The following EXOC5 variants were observed in gnomAD, a reference collection of about 807,000 sequenced individuals.
EXOC5 encodes exocyst complex component 5, also known as SEC10-like 1.
In EXOC5, 17 loss-of-function variants were observed where a neutral mutation model predicts 90.8. The ratio of observed to expected loss-of-function variants is 0.19; its 90% CI spans 0.13 to 0.28. The LOEUF (loss-of-function observed/expected upper bound fraction) is 0.28, where lower values mean the gene tolerates loss of function less well. Ranked by LOEUF, EXOC5 falls within the 10% of genes least tolerant of loss-of-function variation. EXOC5 has a pLI of 1.00. For synonymous variants in EXOC5, 260 were observed against 270.0 expected, an observed-to-expected ratio of 0.96 and a Z score of 0.36; for missense variants, 569 against 830.6, an observed-to-expected ratio of 0.69 and a Z score of 3.87.
chr14:57,212,222 T>C (rs1487786307), intron 15 of EXOC5, among the ~76,000 whole-genome samples: 2 of 152,198 alleles, frequency 1.3e-5, no homozygotes, highest in African/African-American at 2.4e-5. Flanking sequence ...GTCAGAAGAC[T>C]GAATAAAGTC....
chr14:57,234,563 A>G (rs901976594), intron 7 of EXOC5, among the ~76,000 whole-genome samples: 12 of 147,978 alleles, frequency 8.1e-5, no homozygotes, highest in African/African-American at 3.0e-4. Context: ...GTGTATATAT[A>G]TATTTCTTTT....
rs1884794338 is a variant in EXOC5, at chr14:57,268,871, C to T, written c.-223G>A. 2.5e-6 allele frequency: 3 copies of T among 1,197,288 alleles called. No individual in the cohort carries two copies. The highest frequency in any genetic ancestry group is 3.3e-6 in the Non-Finnish European group (3 of 899,322). 74.2% of individuals were successfully genotyped at this position (1,197,288 alleles called of 1,614,324 possible). On this transcript the variant is annotated 5_prime_UTR_variant, in exon 1 of 18. Transcript: ENST00000621441. ...CCTCCCGGCGCCGCCCGCGCTGCTC[C>T]CATTGTCACCGCCTCATACGCCGGA... is the stretch of plus-strand genomic sequence containing the variant.
chr14:57,240,853 TTATTTTC>T (rs1883838300), intron 4 of EXOC5, among the ~76,000 whole-genome samples: 1 of 152,124 alleles, frequency 6.6e-6, no homozygotes, highest in Non-Finnish European at 1.5e-5. Flanking sequence ...TAGATTTTTT[TTATTTTC>T]TCTTTTTTTT....
intron 15 of EXOC5, chr14:57,211,632 A>C (rs1488695990): frequency 6.6e-6 from 1 of 152,236 alleles, no homozygotes; most frequent in Non-Finnish European, 1.5e-5. Flanking sequence ...AAGTGTTCTA[A>C]GAGGCCGAGG....
chr14:57,229,901 A>G lies in EXOC5; in HGVS notation c.1149-20T>C. 1 of 1,338,148 alleles carries G rather than the reference A, an allele frequency of 7.5e-7. No homozygotes were observed. Among genetic ancestry groups the G allele is most frequent in the Non-Finnish European group, 9.9e-7 (1 of 1,014,810 alleles). 82.9% of individuals were successfully genotyped at this position (1,338,148 alleles called of 1,614,324 possible). On this transcript the variant is annotated intron_variant, in intron 11 of 17. Transcript: ENST00000621441. ...TGAATACTAGTACATCATAAAGACA[A>G]ATGAAAAAAAGAAAACATTTTACTT...
chr14:57,262,312 G>C (rs1299978229), intron 1 of EXOC5, among the ~76,000 whole-genome samples: 9 of 152,054 alleles, frequency 5.9e-5, no homozygotes, highest in Admixed American at 6.6e-5. Flanking sequence ...TGAGAAAACT[G>C]AGGTACAAAG....
chr14:57,234,051 T>C lies in EXOC5; in HGVS notation c.670-19A>G, dbSNP rs190395345. The C allele has an allele frequency of 9.4e-5, 144 of 1,526,812 alleles. No individual in the cohort carries two copies. The highest frequency in any genetic ancestry group is 7.4e-4 in the Admixed American group (44 of 59,346). 94.6% of individuals were successfully genotyped at this position (1,526,812 alleles called of 1,614,324 possible). ...AATAACCCTACAAGGAAGAAACACA[T>C]TGTTATTATTCTGATTCAATTATAA... On this transcript the variant is annotated intron_variant, in intron 7 of 17. Transcript: ENST00000621441.
At chr14:57,246,881 T>A (rs376323784) in intron 2 of EXOC5, 23 bp from the exon 3 acceptor site, 2 of 1,396,278 alleles carry the variant, frequency 1.4e-6, no homozygotes, top group Non-Finnish European at 2.0e-6. Flanking sequence ...AGTTTGAATA[T>A]GTATCAATCT....
Position 57,207,069 on chromosome 14 carries a change from T to C in EXOC5, c.*1540A>G, listed in dbSNP as rs1198673632. Reference sequence around the variant, plus strand: ...ACAAGACAGCCTTCTAAAGCTGCCATAATGTCCTAAAATGCTCTGAAAGAA... The same window carrying C: ...ACAAGACAGCCTTCTAAAGCTGCCACAATGTCCTAAAATGCTCTGAAAGAA... On this transcript the variant is annotated 3_prime_UTR_variant, in exon 18 of 18. Transcript: ENST00000621441. 2 of 152,454 alleles carry C rather than the reference T, an allele frequency of 1.3e-5. No individual in the cohort carries two copies. The highest frequency in any genetic ancestry group is 4.8e-5 in the African/African-American group (2 of 41,426). The allele number at this position is 152,454 out of a possible 1,614,324, so 9.4% of individuals were successfully genotyped here. A position where few individuals can be genotyped will look rare whatever the true frequency, so the allele number is the denominator to read the frequency against.
chr14:57,219,594 G>T (rs1055484355), intron 13 of EXOC5, among the ~76,000 whole-genome samples, 152 bp from the exon 14 acceptor site: 2 of 152,074 alleles, frequency 1.3e-5, no homozygotes, highest in Non-Finnish European at 2.9e-5. Context: ...GACAGAAGAG[G>T]AAAATCAAGC....
At chr14:57,243,350 T>C (rs1284154831) in intron 4 of EXOC5, 3 of 152,152 alleles carry the variant, frequency 2.0e-5, no homozygotes, top group East Asian at 1.9e-4. Flanking sequence ...AGAGTTCTAT[T>C]AAAAAAAAGT....
At chr14:57,238,292 T>A (rs763004003) in intron 5 of EXOC5, among the ~76,000 whole-genome samples, 1 of 135,880 alleles carries the variant, frequency 7.4e-6, no homozygotes, top group Non-Finnish European at 1.6e-5. Context: ...ACTTCTCTTA[T>A]GGTTTTGTTT....
At chr14:57,241,043 G>A (rs1246911576) in intron 4 of EXOC5, among the ~76,000 whole-genome samples, 4 of 151,948 alleles carry the variant, frequency 2.6e-5, no homozygotes, top group Admixed American at 6.6e-5. Context: ...TAGTAGAGAC[G>A]GGGTTTCGCC....
chr14:57,253,739 G>A (rs1045873448), intron 1 of EXOC5, among the ~76,000 whole-genome samples: 2 of 152,138 alleles, frequency 1.3e-5, no homozygotes, highest in Non-Finnish European at 2.9e-5. Flanking sequence ...TGACAAGGGT[G>A]CCAAGAACAT....
At chr14:57,243,358 AGT>A (rs1011481124) in intron 4 of EXOC5, 2 of 152,236 alleles carry the variant, frequency 1.3e-5, no homozygotes, top group African/African-American at 4.8e-5. Flanking sequence ...ATTAAAAAAA[AGT>A]GTTGCTTAAT....
At position 57,262,049 on chromosome 14, in the gene EXOC5, TA is replaced by T. The variant is rs537240190; in HGVS notation, c.27+6572del. The stretch of plus-strand genomic sequence containing the variant: ...CCCTTTTTGTAATCCTCTCCTACTA[TA>T]ATCTCCTACTTCTTGGATCATTTAC... On this transcript the variant is annotated intron_variant, in intron 1 of 17. Transcript: ENST00000621441. 1.2e-3 allele frequency among the ~76,000 whole-genome samples: 186 copies of T among 152,276 alleles called. 1 individual carries two copies. Among genetic ancestry groups the T allele is most frequent in the African/African-American group, 4.3e-3 (180 of 41,548 alleles).
chr14:57,243,012 C>T (rs1485846205), intron 4 of EXOC5, among the ~76,000 whole-genome samples: 2 of 152,164 alleles, frequency 1.3e-5, no homozygotes, highest in African/African-American at 4.8e-5. Context: ...AACCAAATAC[C>T]ATATGCTCTC....
chr14:57,229,485 A>G (rs2139632349), intron 12 of EXOC5, among the ~76,000 whole-genome samples: 1 of 152,284 alleles, frequency 6.6e-6, no homozygotes, highest in East Asian at 1.9e-4. Context: ...TAAACACTAA[A>G]GTTACAACTA....
At chr14:57,228,956 C>A (rs1485731386) in intron 12 of EXOC5, among the ~76,000 whole-genome samples, 1 of 151,154 alleles carries the variant, frequency 6.6e-6, no homozygotes, top group Non-Finnish European at 1.5e-5. Flanking sequence ...GTATCATTTA[C>A]AAATACTTTA....
Sources: allele counts gnomAD v4.1 joint callset (sites outside exome capture counted in the v4.1 genomes callset), GRCh38; gene constraint gnomAD v4.1.1; transcripts MANE v1.5; gene names NCBI Gene and HGNC (gene_info 2026-07-23, HGNC 2026-07-21).